VASH2: variants seen among roughly 807,000 people sequenced by gnomAD.
VASH2 encodes the protein tubulinyl-Tyr carboxypeptidase 2.
VASH2 carries 28 observed loss-of-function variants against 37.2 expected under a neutral mutation model. The observed-to-expected ratio is 0.75, with a 90% CI of 0.56 to 1.03. The LOEUF is 1.03. Among genes scored for constraint, VASH2 ranks in the 50% least tolerant of loss-of-function variants. The pLI, the probability that VASH2 is intolerant of heterozygous loss-of-function variation, is 0.00. For synonymous variants in VASH2, 188 were observed against 174.7 expected, an observed-to-expected ratio of 1.08 and a Z score of -0.60; for missense variants, 419 against 459.1, an observed-to-expected ratio of 0.91 and a Z score of 0.80.
intron 7 of VASH2, 104 bp from the exon 8 acceptor site, chr1:212,988,408 A>G: frequency 3.4e-6 from 4 of 1,186,622 alleles, no homozygotes; most frequent in Middle Eastern, 1.9e-4. Flanking sequence ...GATGAGACAA[A>G]TATCAGAAGG....
At chr1:212,987,362 G>A (rs1667510159) in intron 7 of VASH2, among the ~76,000 whole-genome samples, 1 of 151,734 alleles carries the variant, frequency 6.6e-6, no homozygotes, top group Non-Finnish European at 1.5e-5. Flanking sequence ...GATCACCTGA[G>A]GTCAGGAGTT....
At chr1:212,954,453 C>T (rs1351803068) in intron 2 of VASH2, among the ~76,000 whole-genome samples, 1 of 152,148 alleles carries the variant, frequency 6.6e-6, no homozygotes, top group Non-Finnish European at 1.5e-5. Context: ...TGGAGTCTTG[C>T]TCTGTCACCC....
In VASH2 at chr1:212,951,878, T is replaced by C. The variant is rs183592700; in HGVS notation, c.276+60T>C. 47 of 1,536,900 alleles carry C rather than the reference T, an allele frequency of 3.1e-5. No homozygotes were observed. In the African/African-American group the frequency reaches 4.0e-4, roughly 13 times the overall value. On this transcript the variant is annotated intron_variant, in intron 2 of 7. Transcript: ENST00000517399. This position sits in a 1 kb window ranked among gnomAD's most constrained non-coding sequence, Gnocchi z 4.4. ...GGGTAGGTAGGCAGCGATGGGACCG[T>C]TTCAGCCTATACATAGCAAACACAG...
chr1:212,961,716 C>A (rs908745660), intron 3 of VASH2, among the ~76,000 whole-genome samples: 2 of 152,218 alleles, frequency 1.3e-5, no homozygotes, highest in African/African-American at 4.8e-5. Context: ...GATTCTCCTG[C>A]CTCAGCCTCC....
intron 2 of VASH2, among the ~76,000 whole-genome samples, chr1:212,959,049 A>G (rs1666587087): frequency 6.6e-6 from 1 of 152,156 alleles, no homozygotes; most frequent in African/African-American, 2.4e-5. Flanking sequence ...TTAATAAACT[A>G]GAATTCCCCT....
intron 7 of VASH2, among the ~76,000 whole-genome samples, chr1:212,986,998 G>T (rs1289809285): frequency 3.3e-5 from 5 of 152,084 alleles, no homozygotes; most frequent in African/African-American, 4.8e-5. Context: ...CAAAGGGAAT[G>T]ATCAGACTGT....
intron 7 of VASH2, among the ~76,000 whole-genome samples, chr1:212,981,966 T>C (rs1392161650): frequency 6.6e-6 from 1 of 152,252 alleles, no homozygotes; most frequent in Non-Finnish European, 1.5e-5. Flanking sequence ...GCACTGAGGC[T>C]GCCTCAGAGT....
At chr1:212,984,011 C>G (rs967683096) in intron 7 of VASH2, among the ~76,000 whole-genome samples, 1 of 152,152 alleles carries the variant, frequency 6.6e-6, no homozygotes, top group African/African-American at 2.4e-5. Context: ...GTATCAACCC[C>G]GTGGGTTATG....
At chr1:212,961,995 GC>G (rs1666695009) in intron 3 of VASH2, among the ~76,000 whole-genome samples, 2 of 152,088 alleles carry the variant, frequency 1.3e-5, no homozygotes, top group South Asian at 4.1e-4. Flanking sequence ...TCTACAAGAG[GC>G]CCACCTGGTG....
At chr1:212,964,373 C>A (rs1666772318) in intron 3 of VASH2, among the ~76,000 whole-genome samples, 1 of 152,222 alleles carries the variant, frequency 6.6e-6, no homozygotes, top group Admixed American at 6.5e-5. Flanking sequence ...CCCCACCTGG[C>A]CTGCAGCAGC....
chr1:212,953,231 G>GC (rs1666377422), intron 2 of VASH2, among the ~76,000 whole-genome samples: 8 of 85,628 alleles, frequency 9.3e-5, no homozygotes, highest in Admixed American at 8.9e-4. Context: ...GCGGGTGCGC[G>GC]GGGGGGGGTG....
chr1:212,955,656 C>T (rs560160537), intron 2 of VASH2, among the ~76,000 whole-genome samples: 1 of 152,186 alleles, frequency 6.6e-6, no homozygotes, highest in Non-Finnish European at 1.5e-5. Flanking sequence ...AAACAGCAGT[C>T]GGTTTCTTGC....
intron 2 of VASH2, among the ~76,000 whole-genome samples, chr1:212,957,140 T>C (rs1017982096): frequency 9.2e-5 from 14 of 152,264 alleles, no homozygotes; most frequent in Non-Finnish European, 7.3e-5. Flanking sequence ...CTTTTGTGAT[T>C]GGCTTACTTC....
In VASH2 at chr1:212,951,681, G is replaced by A. The variant is rs751957489; in HGVS notation, c.139G>A (p.Val47Met). 3.1e-6 allele frequency: 5 copies of A among 1,599,054 alleles called. No homozygotes were observed. The highest frequency in any genetic ancestry group is 4.3e-6 in the Non-Finnish European group (5 of 1,173,990). The stretch of plus-strand genomic sequence containing the variant: ...AGAGGAGGAGGACAAAGACGGCGGG[G>A]TGCTGTTCCACGTCAACAAGAGCGG... ...GSEEEDKDGG[V>M]LFHVNKSGFP... The change falls in exon 2 of 8, where the codon GTG becomes ATG. Residue 47 changes from valine (V) to methionine (M), a missense_variant. Coordinates refer to ENST00000517399, the MANE Select transcript of VASH2 (RefSeq NM_001301056.2). This position sits in a 1 kb window ranked among gnomAD's most constrained non-coding sequence, Gnocchi z 4.4.
At position 212,989,065 on chromosome 1, in the gene VASH2, A is replaced by T. The variant is rs74758915; in HGVS notation, c.*481A>T. 13 of 159,550 alleles carry T rather than the reference A, an allele frequency of 8.1e-5. No homozygotes were observed. The East Asian group carries it at 1.9e-3, about 24-fold the overall frequency. The allele number at this position is 159,550 out of a possible 1,614,324, so 9.9% of individuals were successfully genotyped here. A position where few individuals can be genotyped will look rare whatever the true frequency, so the allele number is the denominator to read the frequency against. ...ATTTTGACATCAGATATGCAAACTT[A>T]ATGGCGTTTTGTTTTTTTATATTCT... On this transcript the variant is annotated 3_prime_UTR_variant, in exon 8 of 8. Transcript: ENST00000517399.
Position 212,957,775 on chromosome 1 carries a change from T to C in VASH2, c.277-3391T>C, listed in dbSNP as rs564900597. ...ACAGGCGCCTACCACCATGCCCAGC[T>C]GATTTTTGTATTTTTAGTTTCGCCC... On this transcript the variant is annotated intron_variant, in intron 2 of 7. Transcript: ENST00000517399. Among the ~76,000 whole-genome samples, 12 of 152,226 alleles carry C rather than the reference T, an allele frequency of 7.9e-5. No individual in the cohort carries two copies. The East Asian group carries it at 1.4e-3, about 17-fold the overall frequency.
At chr1:212,953,397 T>A (rs375969527) in intron 2 of VASH2, among the ~76,000 whole-genome samples, 1 of 152,136 alleles carries the variant, frequency 6.6e-6, no homozygotes. Flanking sequence ...AGTCGATTGT[T>A]AGGAAGCTCT....
chr1:212,969,076 T>G, intron 5 of VASH2: 1 of 985,478 alleles, frequency 1.0e-6, no homozygotes, highest in Non-Finnish European at 1.2e-6. Flanking sequence ...TCCTTTGTTC[T>G]TATCCTTCTG....
chr1:212,972,886 C>T lies in VASH2; in HGVS notation c.804C>T (p.Val268=). ...AGCCCATTGAGTGGAAGCAGCTGGT[C>T]CTCAACGTCTCAAAGATGCTGAGGG... ...SFQPIEWKQL[V]LNVSKMLRAD... is the part of the protein sequence containing the mutation. The change falls in exon 6 of 8, where the codon GTC becomes GTT. Residue 268 remains valine (V), a synonymous_variant. Transcript: ENST00000517399. The T allele has an allele frequency of 6.2e-7, 1 of 1,614,090 alleles. No individual in the cohort carries two copies. Among genetic ancestry groups the T allele is most frequent in the Non-Finnish European group, 8.5e-7 (1 of 1,180,032 alleles).
Sources: allele counts gnomAD v4.1 joint callset (sites outside exome capture counted in the v4.1 genomes callset), GRCh38; gene constraint gnomAD v4.1.1; non-coding constraint Gnocchi (gnomAD v3.1); transcripts MANE v1.5; gene names NCBI Gene and HGNC (gene_info 2026-07-23, HGNC 2026-07-21).